The following FGF12 variants were observed in gnomAD, a reference collection of about 807,000 sequenced individuals.
FGF12 encodes fibroblast growth factor 12.
Under a neutral mutation model 23.6 loss-of-function variants are expected in FGF12, and 14 were observed. The ratio of observed to expected loss-of-function variants is 0.59; its 90% CI spans 0.39 to 0.93. FGF12 has a LOEUF of 0.93. FGF12 is among the 40% of genes least tolerant of loss of function. The pLI, the probability that FGF12 is intolerant of heterozygous loss-of-function variation, is 0.00. For synonymous variants in FGF12, 62 were observed against 77.3 expected (o/e 0.80, Z 1.04); for missense variants, 175 against 217.8 (o/e 0.80, Z 1.24).
At chr3:192,260,142 G>A (rs1339240081) in intron 4 of FGF12, among the ~76,000 whole-genome samples, 1 of 152,078 alleles carries the variant, frequency 6.6e-6, no homozygotes, top group Non-Finnish European at 1.5e-5. Context: ...ATGCCAAAAT[G>A]TTCCTATGCC....
At position 192,188,216 on chromosome 3, in the gene FGF12, T is replaced by C. The variant is rs143820056; in HGVS notation, c.229-17560A>G. ...AGTGAGACAGCTTGAACTAAAAGAC[T>C]GTCCAATGGCAGGAATTCTAAGCAT... On this transcript the variant is annotated intron_variant, in intron 4 of 5. Coordinates refer to ENST00000445105, the MANE Select transcript of FGF12 (RefSeq NM_004113.6). Among the ~76,000 whole-genome samples, 10 of 152,354 alleles carry C rather than the reference T, an allele frequency of 6.6e-5. No individual in the cohort carries two copies. The East Asian group carries it at 1.9e-3, about 29-fold the overall frequency.
At chr3:192,310,688 C>G (rs114672689) in intron 4 of FGF12, among the ~76,000 whole-genome samples, 1 of 152,142 alleles carries the variant, frequency 6.6e-6, no homozygotes, top group Non-Finnish European at 1.5e-5. Flanking sequence ...AATACCTACT[C>G]AAATGTACCA....
intron 3 of FGF12, among the ~76,000 whole-genome samples, chr3:192,337,198 G>T (rs1439894121): frequency 6.6e-6 from 1 of 152,036 alleles, no homozygotes; most frequent in Admixed American, 6.6e-5. Context: ...TGTAATATAT[G>T]CATTCTATAT....
intron 3 of FGF12, among the ~76,000 whole-genome samples, chr3:192,342,601 T>C (rs187085977): frequency 6.0e-4 from 92 of 152,102 alleles, no homozygotes; most frequent in Non-Finnish European, 1.2e-3. Context: ...GGAGACTCCA[T>C]CTCTGTAAAA....
chr3:192,251,200 C>A (rs1470330167), intron 4 of FGF12, among the ~76,000 whole-genome samples: 1 of 152,150 alleles, frequency 6.6e-6, no homozygotes, highest in Non-Finnish European at 1.5e-5. Context: ...ACTCATATAA[C>A]ATGTTTCTCC....
intron 4 of FGF12, among the ~76,000 whole-genome samples, chr3:192,280,619 ATTAT>A (rs1714088454): frequency 6.6e-6 from 1 of 151,914 alleles, no homozygotes; most frequent in East Asian, 1.9e-4. Flanking sequence ...CATTTATGAT[ATTAT>A]TTTTTTCTCA....
intron 4 of FGF12, among the ~76,000 whole-genome samples, chr3:192,277,415 T>A (rs1713858590): frequency 1.3e-5 from 2 of 152,174 alleles, no homozygotes; most frequent in South Asian, 4.1e-4. Context: ...GCATAACTGC[T>A]GTGATTGCAA....
At chr3:192,201,168 A>C (rs1694918669) in intron 4 of FGF12, among the ~76,000 whole-genome samples, 1 of 152,220 alleles carries the variant, frequency 6.6e-6, no homozygotes, top group African/African-American at 2.4e-5. Context: ...GGAAGGAGTC[A>C]AGGTGCTAAG....
intron 2 of FGF12, among the ~76,000 whole-genome samples, chr3:192,378,019 C>CTCTTTCTTTTCTTTCTT (rs1560091583): frequency 1.2e-5 from 1 of 81,506 alleles, no homozygotes; most frequent in Non-Finnish European, 2.4e-5. Context: ...TTTCTTCTGA[C>CTCTTTCTTTTCTTTCTT]TCTTTCTTTT....
chr3:192,369,601 C>A (rs994264301), intron 2 of FGF12, among the ~76,000 whole-genome samples: 2 of 152,198 alleles, frequency 1.3e-5, no homozygotes, highest in Non-Finnish European at 2.9e-5. Context: ...CCAATAGGGA[C>A]AAGGTTTTTG....
intron 2 of FGF12, among the ~76,000 whole-genome samples, chr3:192,722,479 A>G (rs900015335): frequency 6.6e-6 from 1 of 152,134 alleles, no homozygotes; most frequent in African/African-American, 2.4e-5. Context: ...CTGAACTCTG[A>G]TGGCTGGTAT....
intron 2 of FGF12, among the ~76,000 whole-genome samples, chr3:192,466,226 T>C (rs1271145050): frequency 2.6e-5 from 4 of 152,144 alleles, no homozygotes; most frequent in African/African-American, 9.7e-5. Context: ...AAAAATAAGG[T>C]ATTATAACAT....
At position 192,415,732 on chromosome 3, in the gene FGF12, T is replaced by TCTCACA. The variant is rs369293180; in HGVS notation, c.14-55195_14-55194insTGTGAG. On this transcript the variant is annotated intron_variant, in intron 2 of 5. Transcript: ENST00000445105. ...CTGATACTTCTCTTCTCTCTCTCTCTCACACACACACACACACACACACAC... is the reference window on the plus strand; with the variant it reads ...CTGATACTTCTCTTCTCTCTCTCTCTCTCACACACACACACACACACACACACACAC... 6.0e-4 allele frequency among the ~76,000 whole-genome samples: 71 copies of TCTCACA among 117,990 alleles called. 1 individual carries two copies. Among genetic ancestry groups the TCTCACA allele is most frequent in the African/African-American group, 1.4e-3 (45 of 31,592 alleles). The allele number at this position is 117,990 out of a possible 152,430, so 77.4% of individuals were successfully genotyped here.
intron 2 of FGF12, among the ~76,000 whole-genome samples, chr3:192,450,694 T>A (rs1487666274): frequency 1.3e-5 from 2 of 152,180 alleles, no homozygotes; most frequent in East Asian, 1.9e-4. Context: ...AATAAAAATG[T>A]AACAGTTTCA....
intron 2 of FGF12, among the ~76,000 whole-genome samples, chr3:192,704,510 C>G (rs1718404281): frequency 6.6e-6 from 1 of 152,120 alleles, no homozygotes; most frequent in Non-Finnish European, 1.5e-5. Flanking sequence ...AAACAAATGG[C>G]CTTTCATCAA....
rs189762396 is a variant in FGF12, at chr3:192,140,017, C to T, written c.*3992G>A. 5.3e-5 allele frequency: 8 copies of T among 152,094 alleles called. No homozygotes were observed. The highest frequency in any genetic ancestry group is 2.1e-4 in the South Asian group (1 of 4,824). The allele number at this position is 152,094 out of a possible 1,614,324, so 9.4% of individuals were successfully genotyped here. A position where few individuals can be genotyped will look rare whatever the true frequency, so the allele number is the denominator to read the frequency against. On this transcript the variant is annotated 3_prime_UTR_variant, in exon 6 of 6. Transcript: ENST00000445105. ...AAATCACCAAAGTACTGAAGGAACA[C>T]GTGCTTTGATTATTATTCCCACCTG... is the stretch of plus-strand genomic sequence containing the variant.
At chr3:192,234,683 G>T (rs1719191188) in intron 4 of FGF12, among the ~76,000 whole-genome samples, 1 of 152,090 alleles carries the variant, frequency 6.6e-6, no homozygotes. Context: ...TTGTCAAGAT[G>T]ATTCTTATTA....
intron 2 of FGF12, among the ~76,000 whole-genome samples, chr3:192,624,150 A>T (rs2108650150): frequency 6.6e-6 from 1 of 152,288 alleles, no homozygotes; most frequent in Admixed American, 6.5e-5. Flanking sequence ...ATAGAAATAT[A>T]CATAGGGCAT....
chr3:192,713,134 A>C (rs1718749942), intron 2 of FGF12, among the ~76,000 whole-genome samples: 1 of 152,246 alleles, frequency 6.6e-6, no homozygotes, highest in Non-Finnish European at 1.5e-5. Flanking sequence ...CTTAGTCATG[A>C]AAGTATTTAC....
Sources: gnomAD v4.1 joint callset for allele counts (sites outside exome capture counted in the v4.1 genomes callset) on GRCh38, gnomAD v4.1.1 for gene constraint, MANE v1.5 for transcripts, NCBI Gene and HGNC (gene_info 2026-07-23, HGNC 2026-07-21) for gene names.